The following PDE4D variants were observed in gnomAD, a reference collection of about 807,000 sequenced individuals.
PDE4D encodes the protein 3',5'-cyclic-AMP phosphodiesterase 4D.
Under a neutral mutation model 87.4 loss-of-function variants are expected in PDE4D, and 24 were observed. The ratio of observed to expected loss-of-function variants is 0.27; its 90% CI spans 0.20 to 0.39. PDE4D has a LOEUF of 0.39. Ranked by LOEUF, PDE4D falls within the 10% of genes least tolerant of loss-of-function variation. The probability of loss-of-function intolerance (pLI) is 1.00; values close to 1 mark genes in which losing one functional copy is unlikely to be tolerated. For missense variants in PDE4D, 714 were observed against 1,041.0 expected (o/e 0.69, Z 4.32); for synonymous variants, 384 against 383.2 (o/e 1.00, Z -0.02).
At chr5:59,252,574 T>C (rs1430979070) in intron 1 of PDE4D, among the ~76,000 whole-genome samples, 3 of 151,666 alleles carry the variant, frequency 2.0e-5, no homozygotes, top group Non-Finnish European at 4.4e-5. Context: ...CAGGCTGGAG[T>C]GTAGTGGCAC....
chr5:59,852,781 G>A (rs1744871206), intron 1 of PDE4D, among the ~76,000 whole-genome samples: 1 of 151,784 alleles, frequency 6.6e-6, no homozygotes. Context: ...CCCTCTCCAG[G>A]TTATAGTGGA....
intron 5 of PDE4D, among the ~76,000 whole-genome samples, chr5:59,114,784 C>T (rs959801534): frequency 6.6e-6 from 1 of 151,410 alleles, no homozygotes; most frequent in Non-Finnish European, 1.5e-5. Flanking sequence ...TGAAAAATAT[C>T]TACTTGGTTT....
chr5:59,792,506 G>T (rs1205132983), intron 1 of PDE4D, among the ~76,000 whole-genome samples: 1 of 151,020 alleles, frequency 6.6e-6, no homozygotes, highest in African/African-American at 2.4e-5. Context: ...CACTAACAAG[G>T]GTGGCCAATG....
intron 1 of PDE4D, among the ~76,000 whole-genome samples, chr5:59,670,177 A>G (rs1019440428): frequency 2.0e-5 from 3 of 152,176 alleles, no homozygotes; most frequent in Non-Finnish European, 4.4e-5. Context: ...ATAATAATAT[A>G]TCTAATTCAG....
chr5:59,199,849 T>C (rs1221451000), intron 2 of PDE4D, among the ~76,000 whole-genome samples: 1 of 151,962 alleles, frequency 6.6e-6, no homozygotes, highest in Non-Finnish European at 1.5e-5. Flanking sequence ...TATATGTATA[T>C]ATACATACAT....
intron 6 of PDE4D, among the ~76,000 whole-genome samples, chr5:59,009,148 T>C (rs1350966657): frequency 1.3e-5 from 2 of 152,104 alleles, no homozygotes; most frequent in Non-Finnish European, 2.9e-5. Flanking sequence ...GTATAGAAAC[T>C]TTGGAAAAAG....
chr5:59,536,941 A>C (rs1815385813), intron 1 of PDE4D, among the ~76,000 whole-genome samples: 1 of 152,200 alleles, frequency 6.6e-6, no homozygotes, highest in Admixed American at 6.5e-5. Context: ...TATATGAACC[A>C]TTTGGTATGC....
At chr5:59,583,979 T>C (rs1336661630) in intron 1 of PDE4D, among the ~76,000 whole-genome samples, 1 of 152,222 alleles carries the variant, frequency 6.6e-6, no homozygotes, top group Non-Finnish European at 1.5e-5. Context: ...TTATTATTCC[T>C]TAGCACTGGC....
chr5:60,319,738 T>C (rs1756025922), intron 1 of PDE4D, among the ~76,000 whole-genome samples: 1 of 152,242 alleles, frequency 6.6e-6, no homozygotes, highest in Non-Finnish European at 1.5e-5. Context: ...TGGAGTTTGC[T>C]GGAGGTCCAC....
In PDE4D at chr5:59,704,736, T is replaced by C. The variant is rs112363458; in HGVS notation, c.455+188432A>G. 4.9e-3 allele frequency among the ~76,000 whole-genome samples: 742 copies of C among 152,328 alleles called. 2 individuals are homozygous for C. Among genetic ancestry groups the C allele is most frequent in the African/African-American group, 0.017 (715 of 41,582 alleles). ...TTACATCGAGATTGTGTGGTGTCCA[T>C]GAACAAGGCATTCAGTAGGGTCCAA... On this transcript the variant is annotated intron_variant, in intron 1 of 14. Transcript: ENST00000340635.
At chr5:60,461,966 T>A (rs1014991724) in intron 1 of PDE4D, among the ~76,000 whole-genome samples, 2 of 152,178 alleles carry the variant, frequency 1.3e-5, no homozygotes, top group Non-Finnish European at 2.9e-5. Flanking sequence ...CTTGCTTTAC[T>A]GAGATGCTCA....
intron 2 of PDE4D, among the ~76,000 whole-genome samples, chr5:60,047,015 T>A (rs1404782231): frequency 6.6e-6 from 1 of 152,216 alleles, no homozygotes; most frequent in Non-Finnish European, 1.5e-5. Flanking sequence ...TTTTGGTTGG[T>A]AAGCTATTAA....
intron 2 of PDE4D, among the ~76,000 whole-genome samples, chr5:60,041,860 CA>C (rs754113426): frequency 1.3e-5 from 2 of 151,978 alleles, no homozygotes; most frequent in Non-Finnish European, 2.9e-5. Flanking sequence ...GGGTTTTAAG[CA>C]CACAACTGGG....
At chr5:59,007,612 C>T (rs1023512431) in intron 6 of PDE4D, among the ~76,000 whole-genome samples, 6 of 152,166 alleles carry the variant, frequency 3.9e-5, no homozygotes, top group South Asian at 2.1e-4. Context: ...CTGAAAACAT[C>T]GTTAGTGCCA....
intron 1 of PDE4D, among the ~76,000 whole-genome samples, chr5:60,415,371 T>C (rs2150073925): frequency 6.6e-6 from 1 of 152,326 alleles, no homozygotes; most frequent in African/African-American, 2.4e-5. Flanking sequence ...GAGGAGCCCT[T>C]CAGCCCTCCC....
chr5:60,486,090 T>C (rs771995050), intron 1 of PDE4D, among the ~76,000 whole-genome samples: 1 of 152,174 alleles, frequency 6.6e-6, no homozygotes, highest in Non-Finnish European at 1.5e-5. Context: ...GTGGGCCACA[T>C]GGACCTAAGG....
At chr5:59,444,588 G>A (rs1281188073) in intron 1 of PDE4D, among the ~76,000 whole-genome samples, 2 of 152,066 alleles carry the variant, frequency 1.3e-5, no homozygotes, top group South Asian at 2.1e-4. Context: ...CGAGGCGGGC[G>A]GATCACGAGG....
chr5:59,881,643 T>A (rs1749441910), intron 1 of PDE4D, among the ~76,000 whole-genome samples: 1 of 152,208 alleles, frequency 6.6e-6, no homozygotes, highest in African/African-American at 2.4e-5. Flanking sequence ...AACCCTGGAG[T>A]TCAATTATTT....
At chr5:59,261,819 G>A (rs1762051684) in intron 1 of PDE4D, among the ~76,000 whole-genome samples, 1 of 151,700 alleles carries the variant, frequency 6.6e-6, no homozygotes, top group African/African-American at 2.4e-5. Context: ...AGCCTTGTTA[G>A]GAGGTGATTA....
Sources: allele counts gnomAD v4.1 joint callset (sites outside exome capture counted in the v4.1 genomes callset), GRCh38; gene constraint gnomAD v4.1.1; transcripts MANE v1.5; gene names NCBI Gene and HGNC (gene_info 2026-07-23, HGNC 2026-07-21).